Variants in GABBR2 observed in about 807,000 individuals in gnomAD.
The protein encoded by GABBR2 is G-protein coupled receptor 51.
GABBR2 carries 23 observed loss-of-function variants against 105.6 expected under a neutral mutation model. The observed-to-expected ratio is 0.22, with a 90% CI of 0.16 to 0.31. The LOEUF (loss-of-function observed/expected upper bound fraction) is 0.31, where lower values mean the gene tolerates loss of function less well. GABBR2 is among the 10% of genes least tolerant of loss of function. The pLI is 1.00. For synonymous variants in GABBR2, 478 were observed against 499.7 expected, an observed-to-expected ratio of 0.96 and a Z score of 0.58; for missense variants, 734 against 1,245.5, an observed-to-expected ratio of 0.59 and a Z score of 6.18.
chr9:98,704,202 A>G (rs986822166), intron 1 of GABBR2, among the ~76,000 whole-genome samples: 1 of 152,206 alleles, frequency 6.6e-6, no homozygotes, highest in Non-Finnish European at 1.5e-5. Context: ...CACAGCCTCA[A>G]TTCAACAGTC....
At chr9:98,605,097 A>T (rs1829395317) in intron 1 of GABBR2, among the ~76,000 whole-genome samples, 1 of 152,248 alleles carries the variant, frequency 6.6e-6, no homozygotes, top group African/African-American at 2.4e-5. Context: ...CAAGGCCAAA[A>T]GGCAGAACAA....
At chr9:98,602,717 G>T (rs146199621) in intron 1 of GABBR2, among the ~76,000 whole-genome samples, 14 of 152,302 alleles carry the variant, frequency 9.2e-5, no homozygotes, top group Middle Eastern at 3.4e-3. Context: ...TCAGTGGGAG[G>T]GGAGAAAACT....
At position 98,637,772 on chromosome 9, in the gene GABBR2, C is replaced by T. The variant is rs569752070; in HGVS notation, c.322-59700G>A. 5.9e-5 allele frequency among the ~76,000 whole-genome samples: 9 copies of T among 152,284 alleles called. 1 individual carries two copies. In the South Asian group the frequency reaches 1.9e-3, roughly 32 times the overall value. ...CAGAAGGAAAGCAGCTCTGCTGACACCCGGATGTTAGCCCACCAAGCCCCA... is the reference window on the plus strand; with the variant it reads ...CAGAAGGAAAGCAGCTCTGCTGACATCCGGATGTTAGCCCACCAAGCCCCA... On this transcript the variant is annotated intron_variant, in intron 1 of 18. Transcript: ENST00000259455.
intron 7 of GABBR2, among the ~76,000 whole-genome samples, chr9:98,407,388 C>T (rs1282439625): frequency 2.0e-5 from 3 of 152,106 alleles, no homozygotes; most frequent in Non-Finnish European, 2.9e-5. Flanking sequence ...ACCTGGACAC[C>T]TTTTTGAAAC....
intron 7 of GABBR2, among the ~76,000 whole-genome samples, chr9:98,414,201 C>T (rs1049102245): frequency 6.6e-6 from 1 of 152,194 alleles, no homozygotes; most frequent in African/African-American, 2.4e-5. Flanking sequence ...GAGAAAACTA[C>T]AGGAAGACCC....
chr9:98,443,181 G>T (rs1826062180), intron 7 of GABBR2, among the ~76,000 whole-genome samples: 2 of 152,132 alleles, frequency 1.3e-5, no homozygotes, highest in African/African-American at 4.8e-5. Context: ...ATGGTAATTT[G>T]CTGTGACCAC....
intron 1 of GABBR2, among the ~76,000 whole-genome samples, chr9:98,592,083 G>A (rs1381473739): frequency 6.6e-6 from 1 of 152,232 alleles, no homozygotes; most frequent in Non-Finnish European, 1.5e-5. Context: ...AATGCAGCCA[G>A]TTGCTAATGG....
In GABBR2 at chr9:98,349,244, C is replaced by T. The variant is rs184615312; in HGVS notation, c.1893+13471G>A. On this transcript the variant is annotated intron_variant, in intron 13 of 18. Coordinates refer to ENST00000259455, the MANE Select transcript of GABBR2 (RefSeq NM_005458.8). ...TATATTACATTTATTGATCTGTTTA[C>T]GTTGAATCATTCTTGCAACCCTAGG... 4.6e-3 allele frequency among the ~76,000 whole-genome samples: 697 copies of T among 150,946 alleles called. 5 individuals are homozygous for T. The highest frequency in any genetic ancestry group is 0.016 in the African/African-American group (637 of 41,012).
intron 3 of GABBR2, among the ~76,000 whole-genome samples, chr9:98,535,817 T>C (rs1000487936): frequency 6.6e-6 from 1 of 152,096 alleles, no homozygotes; most frequent in Non-Finnish European, 1.5e-5. Context: ...TAAACGACAT[T>C]ATGGAAAAGG....
At chr9:98,293,278 C>T (rs1302128975) in intron 18 of GABBR2, among the ~76,000 whole-genome samples, 1 of 152,138 alleles carries the variant, frequency 6.6e-6, no homozygotes, top group East Asian at 1.9e-4. Flanking sequence ...TCCCTGACCC[C>T]CTTCTGTGCT....
At chr9:98,455,589 G>T (rs1170580268) in intron 6 of GABBR2, among the ~76,000 whole-genome samples, 6 of 152,236 alleles carry the variant, frequency 3.9e-5, no homozygotes, top group Non-Finnish European at 5.9e-5. Flanking sequence ...CGCGGCACCA[G>T]ACTACCTTCC....
intron 1 of GABBR2, among the ~76,000 whole-genome samples, chr9:98,702,952 T>C (rs542731663): frequency 6.6e-6 from 1 of 152,326 alleles, no homozygotes; most frequent in South Asian, 2.1e-4. Context: ...TTCAGGTGGT[T>C]GGGTGAAGCT....
intron 7 of GABBR2, 73 bp downstream of exon 7, chr9:98,453,908 G>A: frequency 1.0e-6 from 1 of 991,560 alleles, no homozygotes; most frequent in Non-Finnish European, 1.6e-6. Flanking sequence ...CAGAAAGCCT[G>A]TAACAGCCCC....
At chr9:98,487,481 T>C (rs1347893358) in intron 4 of GABBR2, among the ~76,000 whole-genome samples, 2 of 152,160 alleles carry the variant, frequency 1.3e-5, no homozygotes, top group East Asian at 3.9e-4. Flanking sequence ...GGCAGAATAA[T>C]AGCCACATCC....
intron 1 of GABBR2, among the ~76,000 whole-genome samples, chr9:98,639,085 C>T (rs1829922182): frequency 6.6e-6 from 1 of 152,166 alleles, no homozygotes; most frequent in Non-Finnish European, 1.5e-5. Context: ...TTAGTTTGGT[C>T]CAGGAACACC....
At chr9:98,638,407 G>T (rs902591360) in intron 1 of GABBR2, among the ~76,000 whole-genome samples, 16 of 152,202 alleles carry the variant, frequency 1.1e-4, no homozygotes, top group African/African-American at 3.6e-4. Context: ...AGAGGACAGA[G>T]AAGCGAAGCA....
At chr9:98,587,878 T>C (rs982126145) in intron 1 of GABBR2, among the ~76,000 whole-genome samples, 47 of 152,328 alleles carry the variant, frequency 3.1e-4, no homozygotes, top group Non-Finnish European at 5.0e-4. Flanking sequence ...TTCTGTTATA[T>C]GCAAATAAAT....
intron 13 of GABBR2, among the ~76,000 whole-genome samples, chr9:98,329,514 G>A (rs1564019324): frequency 6.6e-6 from 1 of 152,190 alleles, no homozygotes; most frequent in Non-Finnish European, 1.5e-5. Flanking sequence ...GCTGGAAGCT[G>A]CAGAGTCATT....
intron 3 of GABBR2, among the ~76,000 whole-genome samples, chr9:98,511,991 C>G (rs959558990): frequency 3.9e-5 from 6 of 152,122 alleles, no homozygotes; most frequent in Middle Eastern, 3.2e-3. Context: ...TCATGAACAT[C>G]GATGCAGAAA....
Sources: gnomAD v4.1 joint callset for allele counts (sites outside exome capture counted in the v4.1 genomes callset) on GRCh38, gnomAD v4.1.1 for gene constraint, MANE v1.5 for transcripts, NCBI Gene and HGNC (gene_info 2026-07-23, HGNC 2026-07-21) for gene names.